TAF5L: variants seen among roughly 807,000 people sequenced by gnomAD.
TAF5L encodes the protein TAF5-like RNA polymerase II p300/CBP-associated factor-associated factor 65 kDa subunit 5L.
A neutral mutation model predicts 51.3 loss-of-function variants in TAF5L; 7 were observed. That is an observed-to-expected ratio of 0.14 (90% confidence interval 0.08 to 0.26). The LOEUF is 0.26. Ranked by LOEUF, TAF5L falls within the 10% of genes least tolerant of loss-of-function variation. TAF5L has a pLI of 1.00. For missense variants in TAF5L, 575 were observed against 758.9 expected (o/e 0.76, Z 2.85); for synonymous variants, 291 against 308.1 (o/e 0.94, Z 0.58).
At chr1:229,608,581 A>C (rs530561617) in intron 3 of TAF5L, among the ~76,000 whole-genome samples, 1 of 152,354 alleles carries the variant, frequency 6.6e-6, no homozygotes, top group East Asian at 1.9e-4. Context: ...TGAGGCTTTA[A>C]GCAACTTGCA....
At chr1:229,618,757 C>G (rs542412869) in intron 1 of TAF5L, among the ~76,000 whole-genome samples, 1 of 152,142 alleles carries the variant, frequency 6.6e-6, no homozygotes, top group African/African-American at 2.4e-5. Flanking sequence ...CCTCCACCCC[C>G]ACCCCCGTTA....
chr1:229,601,544 G>A (rs1396632532), intron 4 of TAF5L: 1 of 985,372 alleles, frequency 1.0e-6, no homozygotes, highest in African/African-American at 1.7e-5. Flanking sequence ...TGTCCTAAAC[G>A]GTTACAAGCC....
Position 229,594,679 on chromosome 1 carries a change from A to C in TAF5L, c.1388T>G (p.Leu463Arg). 6.2e-7 allele frequency: 1 copy of C among 1,614,130 alleles called. No individual in the cohort carries two copies. Among genetic ancestry groups the C allele is most frequent in the Non-Finnish European group, 8.5e-7 (1 of 1,180,012 alleles). Residue 463 changes from leucine (L) to arginine (R), a missense_variant, in exon 5 of 5, where the codon CTT becomes CGT. Leu to Arg is a moderately radical substitution (Grantham distance 102, BLOSUM62 -2). This residue lies in a region of TAF5L where 104 missense variants were observed against 218.3 expected (regional missense o/e 0.48). Transcript: ENST00000258281. This position sits in a 1 kb window ranked among gnomAD's most constrained non-coding sequence, Gnocchi z 7.9. ...CACGGGGCCACGGTGGCCTGTGAAA[A>C]GCCTCACCGAGTTCCCCTGCTGAGC...
At position 229,602,635 on chromosome 1, in the gene TAF5L, A is replaced by G. The variant is rs776585833; in HGVS notation, c.532T>C (p.Tyr178His). 1.2e-6 allele frequency: 2 copies of G among 1,614,168 alleles called. No homozygotes were observed. The highest frequency in any genetic ancestry group is 1.7e-6 in the Non-Finnish European group (2 of 1,180,040). Residue 178 changes from tyrosine (Y) to histidine (H), a missense_variant, in exon 4 of 5, where the codon TAC becomes CAC. Physicochemically the swap from Tyr to His is moderately conservative, Grantham distance 83. Transcript: ENST00000258281. This position sits in a 1 kb window ranked among gnomAD's most constrained non-coding sequence, Gnocchi z 4.6. ...GCAGTATTGTTGTCACTTTGGAGGT[A>G]GCGGATAAGGTAGTTGTAGCTGTCT...
At chr1:229,620,971 TGTG>T (rs1399237720) in intron 1 of TAF5L, among the ~76,000 whole-genome samples, 2 of 151,104 alleles carry the variant, frequency 1.3e-5, no homozygotes, top group African/African-American at 4.8e-5. Context: ...TGTGTGTGTG[TGTG>T]TGTGTGTGTC....
In TAF5L at chr1:229,614,621, G is replaced by A. The variant is rs1664906515; in HGVS notation, c.-3-136C>T. The A allele has an allele frequency of 6.5e-6, 7 of 1,069,498 alleles. No individual in the cohort carries two copies. In the Admixed American group the frequency reaches 7.6e-5, roughly 12 times the overall value. The allele number at this position is 1,069,498 out of a possible 1,614,324, so 66.3% of individuals were successfully genotyped here. A position where few individuals can be genotyped will look rare whatever the true frequency, so the allele number is the denominator to read the frequency against. On this transcript the variant is annotated intron_variant, in intron 1 of 4. Transcript: ENST00000258281. Reference sequence around the variant, plus strand: ...TGTGGCTAAGTGGCCTAGTTAAGACGCAAATCTAAGTTCCCTAATACCAAC... The same window carrying A: ...TGTGGCTAAGTGGCCTAGTTAAGACACAAATCTAAGTTCCCTAATACCAAC...
intron 4 of TAF5L, chr1:229,600,335 A>G: frequency 1.0e-6 from 1 of 985,468 alleles, no homozygotes; most frequent in South Asian, 4.7e-5. Context: ...TTATTCTTAA[A>G]AAGGGCAGAG....
chr1:229,620,159 T>A (rs10916529), intron 1 of TAF5L, among the ~76,000 whole-genome samples: 79,578 of 150,440 alleles, frequency 0.53, 21,048 homozygotes, highest in East Asian at 0.76. Flanking sequence ...AAAAAAAAAA[T>A]TGCGGCTAGT....
chr1:229,614,321 A>G lies in TAF5L; in HGVS notation c.142+20T>C. 4 of 1,614,204 alleles carry G rather than the reference A, an allele frequency of 2.5e-6. No individual in the cohort carries two copies. Among genetic ancestry groups the G allele is most frequent in the Non-Finnish European group, 3.4e-6 (4 of 1,180,040 alleles). On this transcript the variant is annotated intron_variant, in intron 2 of 4. Transcript: ENST00000258281. The stretch of plus-strand genomic sequence containing the variant: ...TCTCCTGCTCCAGGCTCACCCCACC[A>G]GACGAGCCCCCACCATTACCTGTTA...
At chr1:229,623,416 T>G (rs1316890546) in intron 1 of TAF5L, among the ~76,000 whole-genome samples, 1 of 152,262 alleles carries the variant, frequency 6.6e-6, no homozygotes, top group Non-Finnish European at 1.5e-5. Flanking sequence ...TGGTTCTTCT[T>G]ACTCTACTGG....
At chr1:229,614,220 GT>G in intron 2 of TAF5L, 120 bp downstream of exon 2, 1 of 1,556,528 alleles carries the variant, frequency 6.4e-7, no homozygotes, top group Non-Finnish European at 8.8e-7. Flanking sequence ...GCTCACTGAG[GT>G]TTTTGGTCAG....
rs779264211 is a variant in TAF5L at position 229,610,213 on chromosome 1, A to AT, written c.143-4_143-3insA. ...GGCACAACCAGATTCTGATTGCACT[A>AT]AAGAGGAGAAGATACACAAGTCAGG... On this transcript the variant is annotated splice_polypyrimidine_tract_variant and splice_region_variant and intron_variant, in intron 2 of 4. Transcript: ENST00000258281. 23 of 1,613,938 alleles carry AT rather than the reference A, an allele frequency of 1.4e-5. No homozygotes were observed. The South Asian group carries it at 2.5e-4, about 18-fold the overall frequency.
chr1:229,598,368 A>G (rs1664208483), intron 4 of TAF5L, among the ~76,000 whole-genome samples: 1 of 152,216 alleles, frequency 6.6e-6, no homozygotes, highest in Non-Finnish European at 1.5e-5. Context: ...TCATATTCCC[A>G]TTGGATAGCA....
At chr1:229,603,636 T>C (rs1664473225) in intron 3 of TAF5L, among the ~76,000 whole-genome samples, 1 of 152,234 alleles carries the variant, frequency 6.6e-6, no homozygotes, top group African/African-American at 2.4e-5. Flanking sequence ...TCTTTTGCAG[T>C]GATAATTTAC....
At chr1:229,599,819 A>AACACCGTT (rs1664297272) in intron 4 of TAF5L, 1 of 985,282 alleles carries the variant, frequency 1.0e-6, no homozygotes, top group Non-Finnish European at 1.2e-6. Flanking sequence ...GCTGGGTGTG[A>AACACCGTT]ACACCGTTTC....
chr1:229,619,068 A>AT (rs1454777440), intron 1 of TAF5L, among the ~76,000 whole-genome samples: 2 of 152,074 alleles, frequency 1.3e-5, no homozygotes, highest in East Asian at 1.9e-4. Context: ...GAAAAAAATT[A>AT]TTTTTTTGCA....
chr1:229,593,610 A>G (rs1413775063), exon 5 of TAF5L: 1 of 151,966 alleles, frequency 6.6e-6, no homozygotes, highest in Non-Finnish European at 1.5e-5. Context: ...CTCCCAATAC[A>G]CTGTGCTACC....
intron 1 of TAF5L, among the ~76,000 whole-genome samples, chr1:229,623,867 G>T (rs1665318231): frequency 6.6e-6 from 1 of 152,178 alleles, no homozygotes; most frequent in Admixed American, 6.5e-5. Context: ...ACCTTCTACA[G>T]CATCTTGCTG....
At chr1:229,622,552 G>A (rs1240447388) in intron 1 of TAF5L, among the ~76,000 whole-genome samples, 2 of 151,950 alleles carry the variant, frequency 1.3e-5, no homozygotes, top group South Asian at 2.1e-4. Flanking sequence ...CGGGCAGATA[G>A]GGAACTGCCA....
Sources: gnomAD v4.1 joint callset for allele counts (sites outside exome capture counted in the v4.1 genomes callset) on GRCh38, gnomAD v4.1.1 for gene constraint, gnomAD v4.1.1 regional missense constraint, Gnocchi (gnomAD v3.1) non-coding constraint, MANE v1.5 for transcripts, NCBI Gene and HGNC (gene_info 2026-07-23, HGNC 2026-07-21) for gene names.